The following PDS5A variants were observed in gnomAD, a reference collection of about 807,000 sequenced individuals.
PDS5A encodes the protein PDS5 cohesin associated factor A, also known as sister chromatid cohesion protein PDS5 homolog A.
PDS5A carries 42 observed loss-of-function variants against 167.1 expected under a neutral mutation model. The ratio of observed to expected loss-of-function variants is 0.25; its 90% CI spans 0.20 to 0.33. The LOEUF is 0.33. PDS5A is among the 10% of genes least tolerant of loss of function. The pLI, the probability that PDS5A is intolerant of heterozygous loss-of-function variation, is 1.00. For synonymous variants in PDS5A, 553 were observed against 554.6 expected (o/e 1.00, Z 0.04); for missense variants, 1,033 against 1,605.9 (o/e 0.64, Z 6.10).
rs2109546698 is a variant in PDS5A at position 39,862,758 on chromosome 4, C to A, written c.2971+111G>T. 6.0e-6 allele frequency: 4 copies of A among 668,816 alleles called. No individual in the cohort carries two copies. The South Asian group carries it at 7.7e-5, about 13-fold the overall frequency. 41.4% of individuals were successfully genotyped at this position (668,816 alleles called of 1,614,324 possible). The stretch of plus-strand genomic sequence containing the variant: ...ACTACAATGACAGCATTCTATAAAA[C>A]TCCCAGTTTTATTATAAACTATAAT... On this transcript the variant is annotated intron_variant, in intron 25 of 32. Coordinates refer to ENST00000303538, the MANE Select transcript of PDS5A (RefSeq NM_001100399.2).
At position 39,844,698 on chromosome 4, in the gene PDS5A, T is replaced by A; in HGVS notation, c.3506A>T (p.Asn1169Ile). 6.2e-7 allele frequency: 1 copy of A among 1,613,292 alleles called. No individual in the cohort carries two copies. The stretch of plus-strand genomic sequence containing the variant: ...TGAAGGGTTCAGCTCTGAATTTACA[T>A]TAATATTGCTTCCAGTCTCAGTGCC... ...STGTETGSNINVNSELNPSTG... is the reference protein window; with the variant it reads ...STGTETGSNIIVNSELNPSTG... The change falls in exon 30 of 33, where the codon AAT becomes ATT. Residue 1169 changes from asparagine to isoleucine, a missense_variant. Asn to Ile is a moderately radical substitution (Grantham distance 149). Coordinates refer to ENST00000303538, the MANE Select transcript of PDS5A (RefSeq NM_001100399.2).
intron 17 of PDS5A, among the ~76,000 whole-genome samples, chr4:39,885,114 T>C (rs1398722945): frequency 6.9e-6 from 1 of 145,778 alleles, no homozygotes; most frequent in African/African-American, 2.6e-5. Flanking sequence ...ATACAAAAAA[T>C]TAACCTAGCA....
intron 2 of PDS5A, among the ~76,000 whole-genome samples, chr4:39,957,141 A>G (rs1728999888): frequency 6.6e-6 from 1 of 152,190 alleles, no homozygotes. Context: ...ATATTCAATA[A>G]GCATTTGAAG....
chr4:39,961,413 C>A (rs949430306), intron 2 of PDS5A, among the ~76,000 whole-genome samples: 7 of 152,076 alleles, frequency 4.6e-5, no homozygotes, highest in African/African-American at 1.7e-4. Context: ...CGCCCGCCAC[C>A]ATGCCCGCTA....
intron 2 of PDS5A, among the ~76,000 whole-genome samples, chr4:39,929,351 G>A (rs1725750534): frequency 6.6e-6 from 1 of 151,512 alleles, no homozygotes; most frequent in Non-Finnish European, 1.5e-5. Context: ...ACATGAAAAG[G>A]GACGGCGGGA....
At chr4:39,870,456 G>T (rs947488828) in intron 21 of PDS5A, among the ~76,000 whole-genome samples, 2 of 152,088 alleles carry the variant, frequency 1.3e-5, no homozygotes, top group African/African-American at 2.4e-5. Context: ...GCATGGTGGC[G>T]TGTGCTGATA....
At chr4:39,891,278 C>T (rs983441539) in intron 16 of PDS5A, among the ~76,000 whole-genome samples, 85 of 151,470 alleles carry the variant, frequency 5.6e-4, no homozygotes, top group Admixed American at 1.3e-3. Flanking sequence ...GGTGATCCAA[C>T]CCGCCTCGGC....
chr4:39,890,888 A>T (rs1457780028), intron 16 of PDS5A, among the ~76,000 whole-genome samples: 1 of 152,002 alleles, frequency 6.6e-6, no homozygotes, highest in African/African-American at 2.4e-5. Context: ...AAGTGCTGGG[A>T]TTACAGGCGT....
At chr4:39,963,459 CAAA>C (rs946708973) in intron 2 of PDS5A, among the ~76,000 whole-genome samples, 1 of 144,446 alleles carries the variant, frequency 6.9e-6, no homozygotes, top group African/African-American at 2.5e-5. Context: ...GACTCCATCT[CAAA>C]AAAAAAAATT....
At chr4:39,910,501 G>A (rs1372715589) in intron 9 of PDS5A, among the ~76,000 whole-genome samples, 163 bp from the exon 10 acceptor site, 1 of 152,110 alleles carries the variant, frequency 6.6e-6, no homozygotes, top group Non-Finnish European at 1.5e-5. Context: ...TACACTATAA[G>A]GTGAAAGGAT....
intron 30 of PDS5A, among the ~76,000 whole-genome samples, chr4:39,843,127 G>A (rs572202917): frequency 4.6e-5 from 7 of 150,704 alleles, no homozygotes; most frequent in Admixed American, 4.0e-4. Context: ...ATCCTTCCTC[G>A]GCCTCCCAAA....
In PDS5A at chr4:39,876,907, C is replaced by G. The variant is rs545308247; in HGVS notation, c.2153+86G>C. On this transcript the variant is annotated intron_variant, in intron 19 of 32. Transcript: ENST00000303538. ...CAAAGTTGTCTTTCTTCCCTCCTAT[C>G]TTCCTACACAGAAGGAAAACAATGA... is the stretch of plus-strand genomic sequence containing the variant. The G allele has an allele frequency of 2.1e-5, 21 of 999,768 alleles. 1 individual carries two copies. The highest frequency in any genetic ancestry group is 3.1e-5 in the Non-Finnish European group (21 of 688,166). 61.9% of individuals were successfully genotyped at this position (999,768 alleles called of 1,614,324 possible). A position where few individuals can be genotyped will look rare whatever the true frequency, so the allele number is the denominator to read the frequency against.
chr4:39,895,437 A>C (rs916503096), intron 16 of PDS5A, among the ~76,000 whole-genome samples: 2 of 152,172 alleles, frequency 1.3e-5, no homozygotes, highest in African/African-American at 2.4e-5. Context: ...AATATAAACC[A>C]TATAATAAAA....
At chr4:39,912,734 G>T (rs1049002157) in intron 9 of PDS5A, among the ~76,000 whole-genome samples, 1 of 152,100 alleles carries the variant, frequency 6.6e-6, no homozygotes, top group Non-Finnish European at 1.5e-5. Flanking sequence ...ACAGGTAAAT[G>T]GAATGCAAGG....
chr4:39,841,261 T>G (rs1716982929), intron 31 of PDS5A, among the ~76,000 whole-genome samples: 1 of 151,840 alleles, frequency 6.6e-6, no homozygotes, highest in African/African-American at 2.4e-5. Flanking sequence ...TGCCTCAGCC[T>G]CCTGAGTAGC....
chr4:39,870,852 C>A (rs1005853276), intron 21 of PDS5A, among the ~76,000 whole-genome samples: 4 of 152,028 alleles, frequency 2.6e-5, no homozygotes, highest in Non-Finnish European at 4.4e-5. Context: ...AATGGGAGAA[C>A]AGGAACATAA....
intron 17 of PDS5A, among the ~76,000 whole-genome samples, chr4:39,887,051 T>C (rs924349352): frequency 6.6e-6 from 1 of 152,174 alleles, no homozygotes; most frequent in African/African-American, 2.4e-5. Context: ...TGTGATAATG[T>C]CATCTGCGAA....
chr4:39,939,059 T>C (rs1317940682), intron 2 of PDS5A, among the ~76,000 whole-genome samples: 1 of 151,454 alleles, frequency 6.6e-6, no homozygotes, highest in Non-Finnish European at 1.5e-5. Context: ...CCATATAAAA[T>C]TGAAAAAGTA....
chr4:39,902,227 G>A, intron 13 of PDS5A, 120 bp downstream of exon 13: 1 of 548,938 alleles, frequency 1.8e-6, no homozygotes, highest in African/African-American at 1.9e-5. Context: ...ATATTTACCT[G>A]AGGTTCTTGA....
Sources: gnomAD v4.1 joint callset for allele counts (sites outside exome capture counted in the v4.1 genomes callset) on GRCh38, gnomAD v4.1.1 for gene constraint, MANE v1.5 for transcripts, NCBI Gene and HGNC (gene_info 2026-07-23, HGNC 2026-07-21) for gene names.